CHCHD3: variants seen among roughly 807,000 people sequenced by gnomAD.
CHCHD3 encodes the protein MICOS complex subunit MIC19.
CHCHD3 carries 20 observed loss-of-function variants against 38.2 expected under a neutral mutation model. That is an observed-to-expected ratio of 0.52 (90% CI 0.37 to 0.76). The LOEUF is 0.76. CHCHD3 is among the 30% of genes least tolerant of loss of function. The probability of loss-of-function intolerance (pLI) is 0.00; values close to 1 mark genes in which losing one functional copy is unlikely to be tolerated. For synonymous variants in CHCHD3, 82 were observed against 100.0 expected (o/e 0.82, Z 1.07); for missense variants, 245 against 279.2 (o/e 0.88, Z 0.87).
At chr7:132,795,344 A>C (rs1379074961) in intron 7 of CHCHD3, among the ~76,000 whole-genome samples, 1 of 152,216 alleles carries the variant, frequency 6.6e-6, no homozygotes, top group Non-Finnish European at 1.5e-5. Flanking sequence ...TAGCAACATT[A>C]CCTGTACCAA....
intron 4 of CHCHD3, among the ~76,000 whole-genome samples, chr7:132,956,597 T>C (rs1160912197): frequency 6.6e-6 from 1 of 152,248 alleles, no homozygotes; most frequent in African/African-American, 2.4e-5. Flanking sequence ...GAATGAGGTC[T>C]ATCAATGATC....
At chr7:132,829,016 C>A (rs983979962) in intron 6 of CHCHD3, among the ~76,000 whole-genome samples, 2 of 152,202 alleles carry the variant, frequency 1.3e-5, no homozygotes, top group African/African-American at 2.4e-5. Flanking sequence ...ACAATTAACT[C>A]TTAACTTGGC....
At chr7:132,938,637 G>A (rs370740041) in intron 4 of CHCHD3, among the ~76,000 whole-genome samples, 12 of 152,148 alleles carry the variant, frequency 7.9e-5, no homozygotes, top group South Asian at 4.1e-4. Context: ...CCTATCGAAT[G>A]GAAATTGGAA....
Position 132,825,571 on chromosome 7 carries a change from A to G in CHCHD3, c.524+12828T>C, listed in dbSNP as rs1322984033. On this transcript the variant is annotated intron_variant, in intron 6 of 7. Coordinates refer to ENST00000262570, the MANE Select transcript of CHCHD3 (RefSeq NM_017812.4). The stretch of plus-strand genomic sequence containing the variant: ...TACACTAGCGTCTTTTGTATTGGAG[A>G]AACACTATCAGGAAAAGACAAGAAC... Among the ~76,000 whole-genome samples, 4 of 152,222 alleles carry G rather than the reference A, an allele frequency of 2.6e-5. No individual in the cohort carries two copies. The South Asian group carries it at 8.3e-4, about 32-fold the overall frequency.
At chr7:132,793,329 GAC>G (rs979469315) in intron 7 of CHCHD3, among the ~76,000 whole-genome samples, 9 of 152,188 alleles carry the variant, frequency 5.9e-5, no homozygotes, top group African/African-American at 2.2e-4. Flanking sequence ...AGAAACAAAA[GAC>G]ACAGGACTAT....
chr7:132,925,169 G>C (rs908759079), intron 4 of CHCHD3, among the ~76,000 whole-genome samples: 1 of 152,026 alleles, frequency 6.6e-6, no homozygotes, highest in Non-Finnish European at 1.5e-5. Context: ...AATGGAGTAG[G>C]AATGGGAGAA....
chr7:132,897,860 A>G (rs1051608800), intron 4 of CHCHD3, among the ~76,000 whole-genome samples: 2 of 152,202 alleles, frequency 1.3e-5, no homozygotes, highest in African/African-American at 4.8e-5. Context: ...ACTGACTTCA[A>G]GAATGAAGCC....
intron 4 of CHCHD3, among the ~76,000 whole-genome samples, chr7:132,932,053 G>A (rs892535929): frequency 6.6e-6 from 1 of 152,028 alleles, no homozygotes; most frequent in African/African-American, 2.4e-5. Context: ...TTTTTTTTCA[G>A]ACCCACTATG....
intron 3 of CHCHD3, among the ~76,000 whole-genome samples, chr7:132,985,966 G>T (rs1812108038): frequency 6.6e-6 from 1 of 151,974 alleles, no homozygotes; most frequent in African/African-American, 2.4e-5. Flanking sequence ...TAGAAAGGGG[G>T]AGAAGGTGGG....
At chr7:133,015,483 A>C (rs1813005570) in intron 3 of CHCHD3, among the ~76,000 whole-genome samples, 1 of 152,220 alleles carries the variant, frequency 6.6e-6, no homozygotes, top group Admixed American at 6.5e-5. Flanking sequence ...TAAATACTGT[A>C]CAGAGTAGCT....
At chr7:132,961,233 G>A (rs991547407) in intron 4 of CHCHD3, among the ~76,000 whole-genome samples, 2 of 152,140 alleles carry the variant, frequency 1.3e-5, no homozygotes, top group African/African-American at 4.8e-5. Context: ...AGTGAGCTAT[G>A]ATTGCACCAC....
At chr7:132,861,538 A>G (rs10954392) in intron 5 of CHCHD3, among the ~76,000 whole-genome samples, 35,112 of 152,060 alleles carry the variant, frequency 0.23, 4,239 homozygotes, top group South Asian at 0.26. Flanking sequence ...ATAGTTGGAT[A>G]TGTCCACAAT....
intron 6 of CHCHD3, among the ~76,000 whole-genome samples, chr7:132,799,456 CT>C (rs1806725929): frequency 6.6e-6 from 1 of 152,020 alleles, no homozygotes; most frequent in South Asian, 2.1e-4. Flanking sequence ...GAAAAAGCCC[CT>C]ATTAGGCAAA....
At chr7:132,994,291 G>A (rs1812358678) in intron 3 of CHCHD3, among the ~76,000 whole-genome samples, 1 of 152,150 alleles carries the variant, frequency 6.6e-6, no homozygotes, top group African/African-American at 2.4e-5. Flanking sequence ...CAGTTTTGTA[G>A]CTCACTAATA....
intron 6 of CHCHD3, among the ~76,000 whole-genome samples, chr7:132,837,295 C>T (rs1159916397): frequency 6.6e-6 from 1 of 152,048 alleles, no homozygotes; most frequent in Non-Finnish European, 1.5e-5. Flanking sequence ...AAAATAAACA[C>T]CTAACTTAAA....
At chr7:132,855,016 G>A (rs1241231243) in intron 5 of CHCHD3, among the ~76,000 whole-genome samples, 2 of 152,142 alleles carry the variant, frequency 1.3e-5, no homozygotes, top group African/African-American at 4.8e-5. Context: ...AACCAGCCAA[G>A]AAGGAAGTAA....
At chr7:132,969,911 A>G (rs1010348622) in intron 4 of CHCHD3, among the ~76,000 whole-genome samples, 3 of 152,198 alleles carry the variant, frequency 2.0e-5, no homozygotes, top group Non-Finnish European at 2.9e-5. Context: ...CCATAAAGGG[A>G]TAGGAGGTTG....
At chr7:132,819,909 T>C (rs1807301170) in intron 6 of CHCHD3, among the ~76,000 whole-genome samples, 1 of 152,176 alleles carries the variant, frequency 6.6e-6, no homozygotes, top group Non-Finnish European at 1.5e-5. Flanking sequence ...GAATGAACAC[T>C]GAAGTGCATG....
chr7:132,833,312 A>G (rs1448471311), intron 6 of CHCHD3, among the ~76,000 whole-genome samples: 1 of 152,220 alleles, frequency 6.6e-6, no homozygotes, highest in African/African-American at 2.4e-5. Flanking sequence ...GTTACATATA[A>G]GAAGAATGCT....
Sources: allele counts gnomAD v4.1 joint callset (sites outside exome capture counted in the v4.1 genomes callset), GRCh38; gene constraint gnomAD v4.1.1; transcripts MANE v1.5; gene names NCBI Gene and HGNC (gene_info 2026-07-23, HGNC 2026-07-21).